PRDM15: variants seen among roughly 807,000 people sequenced by gnomAD.
The protein encoded by PRDM15 is PR/SET domain 15.
PRDM15 carries 64 observed loss-of-function variants against 128.6 expected under a neutral mutation model. The ratio of observed to expected loss-of-function variants is 0.50; its 90% confidence interval spans 0.41 to 0.61. The LOEUF is 0.61. Among genes scored for constraint, PRDM15 ranks in the 20% least tolerant of loss-of-function variants. The pLI is 0.00. For missense variants in PRDM15, 1,242 were observed against 1,569.1 expected, an observed-to-expected ratio of 0.79 and a Z score of 3.52; for synonymous variants, 615 against 621.8, an observed-to-expected ratio of 0.99 and a Z score of 0.16.
chr21:41,871,738 A>G (rs2064220547), intron 1 of PRDM15: 1 of 1,152,282 alleles, frequency 8.7e-7, no homozygotes, highest in South Asian at 1.6e-5. Flanking sequence ...CTGACAGCCA[A>G]TCAGCAGCCT....
chr21:41,878,566 C>T (rs2064506540), intron 1 of PRDM15: 2 of 472,174 alleles, frequency 4.2e-6, no homozygotes, highest in African/African-American at 2.1e-5. Context: ...CGGCCGGGCA[C>T]GCCCCGTCCC....
At chr21:41,853,595 A>G (rs1336988278) in intron 5 of PRDM15, among the ~76,000 whole-genome samples, 1 of 152,234 alleles carries the variant, frequency 6.6e-6, no homozygotes, top group Non-Finnish European at 1.5e-5. Context: ...AAAAAGACCC[A>G]TAACATGGAT....
chr21:41,835,335 T>G (rs2146564160), intron 11 of PRDM15, 102 bp downstream of exon 11: 1 of 972,724 alleles, frequency 1.0e-6, no homozygotes, highest in East Asian at 2.4e-5. Flanking sequence ...TGTCTATTCA[T>G]GAAAACAATC....
intron 22 of PRDM15, chr21:41,803,186 C>A: frequency 2.0e-6 from 1 of 504,322 alleles, no homozygotes. Context: ...GTAAACACTT[C>A]TTAGAAACTT....
Position 41,811,109 on chromosome 21 carries a change from T to G in PRDM15, c.2393-273A>C. On this transcript the variant is annotated intron_variant, in intron 19 of 23. Transcript: ENST00000398548. This position sits in a 1 kb window ranked among gnomAD's most constrained non-coding sequence, Gnocchi z 4.1. Reference sequence around the variant, plus strand: ...ACACAGACAGAAAGTGGAACCCACATGTGGACAAGCAGAAAAACGATAGGA... The same window carrying G: ...ACACAGACAGAAAGTGGAACCCACAGGTGGACAAGCAGAAAAACGATAGGA... 2.3e-6 allele frequency: 1 copy of G among 443,492 alleles called. No homozygotes were observed. Among genetic ancestry groups the G allele is most frequent in the Non-Finnish European group, 4.1e-6 (1 of 242,044 alleles). The allele number at this position is 443,492 out of a possible 1,614,324, so 27.5% of individuals were successfully genotyped here.
At chr21:41,867,182 TCACA>T in intron 1 of PRDM15, 1 of 707,310 alleles carries the variant, frequency 1.4e-6, no homozygotes, top group Admixed American at 2.4e-5. Flanking sequence ...GATTTTCTAT[TCACA>T]CACAGAGTGA....
At chr21:41,808,393 G>A (rs1378158181) in intron 21 of PRDM15, among the ~76,000 whole-genome samples, 1 of 152,200 alleles carries the variant, frequency 6.6e-6, no homozygotes, top group African/African-American at 2.4e-5. Context: ...TTCCCGGACT[G>A]GAGAGCAGGT....
At position 41,839,613 on chromosome 21, in the gene PRDM15, C is replaced by T. The variant is rs200501314; in HGVS notation, c.871+10G>A. ...CACGCAGGCACTCATCCCCGGGACCCGCTCATCACCTGTGGGTTCCTTGTC... is the reference window on the plus strand; with the variant it reads ...CACGCAGGCACTCATCCCCGGGACCTGCTCATCACCTGTGGGTTCCTTGTC... On this transcript the variant is annotated intron_variant, in intron 7 of 23. Coordinates refer to ENST00000398548, the MANE Select transcript of PRDM15 (RefSeq NM_001040424.3). The T allele has an allele frequency of 4.6e-5, 75 of 1,613,186 alleles. No individual in the cohort carries two copies. In the Admixed American group the frequency reaches 1.0e-3, roughly 22 times the overall value.
At chr21:41,869,439 ATTTTTTT>A (rs575371462) in intron 1 of PRDM15, among the ~76,000 whole-genome samples, 1 of 125,470 alleles carries the variant, frequency 8.0e-6, no homozygotes, top group Non-Finnish European at 1.7e-5. Context: ...ATCACCGGCT[ATTTTTTT>A]TTTTTTTTTT....
intron 12 of PRDM15, among the ~76,000 whole-genome samples, chr21:41,827,264 G>A (rs1361594001): frequency 6.6e-6 from 1 of 152,208 alleles, no homozygotes; most frequent in Non-Finnish European, 1.5e-5. Flanking sequence ...AGTGCTAAAA[G>A]GTACACAGGA....
At chr21:41,838,245 T>TACAA (rs2062961373) in intron 7 of PRDM15, among the ~76,000 whole-genome samples, 182 bp from the exon 8 acceptor site, 1 of 152,166 alleles carries the variant, frequency 6.6e-6, no homozygotes, top group South Asian at 2.1e-4. Flanking sequence ...CATTTACTAG[T>TACAA]ACAAACAGAA....
intron 5 of PRDM15, among the ~76,000 whole-genome samples, chr21:41,848,800 T>C (rs972590460): frequency 6.6e-6 from 1 of 152,228 alleles, no homozygotes; most frequent in East Asian, 1.9e-4. Context: ...AAACTTGTCA[T>C]GACGACTGCC....
chr21:41,862,123 G>C lies in PRDM15; in HGVS notation c.-9-1751C>G. The stretch of plus-strand genomic sequence containing the variant: ...GAAGAAACCCAGAGTGGGGTGGGGA[G>C]GGCGCACGCTTTCATGAGTTGCTGC... On this transcript the variant is annotated intron_variant, in intron 1 of 23. Coordinates refer to ENST00000398548, the MANE Select transcript of PRDM15 (RefSeq NM_001040424.3). The surrounding 1 kb of genome is among the most constrained non-coding windows in gnomAD (Gnocchi z 4.1). The C allele has an allele frequency of 1.3e-6, 1 of 745,228 alleles. No homozygotes were observed. Among genetic ancestry groups the C allele is most frequent in the South Asian group, 1.5e-5 (1 of 64,604 alleles). The allele number at this position is 745,228 out of a possible 1,614,324, so 46.2% of individuals were successfully genotyped here.
intron 10 of PRDM15, 143 bp downstream of exon 10, chr21:41,835,970 C>G (rs75189698): frequency 3.7e-5 from 12 of 320,420 alleles, no homozygotes; most frequent in Admixed American, 6.7e-5. Flanking sequence ...ACAGCCCCCG[C>G]CCACTCTCCT....
At chr21:41,818,487 C>T (rs1272337109) in intron 18 of PRDM15, among the ~76,000 whole-genome samples, 3 of 152,048 alleles carry the variant, frequency 2.0e-5, no homozygotes, top group African/African-American at 4.8e-5. Flanking sequence ...GCCGTCCTTG[C>T]GCAAAGTTAC....
At chr21:41,829,274 CAT>C (rs1425844276) in intron 11 of PRDM15, among the ~76,000 whole-genome samples, 3,164 of 148,668 alleles carry the variant, frequency 0.021, 93 homozygotes, top group African/African-American at 0.065. Context: ...CACACACACA[CAT>C]GCCCCACACA....
rs141819734 is a variant in PRDM15, at chr21:41,850,512, G to A, written c.539-3321C>T. On this transcript the variant is annotated intron_variant, in intron 5 of 23. Coordinates refer to ENST00000398548, the MANE Select transcript of PRDM15 (RefSeq NM_001040424.3). ...ACTTCGGAAGGTGGGAGGATTGCCCGAATCCATGAGTTCAAGACCAGCCTA... is the reference window on the plus strand; with the variant it reads ...ACTTCGGAAGGTGGGAGGATTGCCCAAATCCATGAGTTCAAGACCAGCCTA... 6.3e-3 allele frequency among the ~76,000 whole-genome samples: 958 copies of A among 152,160 alleles called. 7 individuals carry two copies. The highest frequency in any genetic ancestry group is 0.019 in the African/African-American group (790 of 41,518).
At chr21:41,843,960 A>T (rs947359185) in intron 6 of PRDM15, among the ~76,000 whole-genome samples, 2 of 151,778 alleles carry the variant, frequency 1.3e-5, no homozygotes, top group African/African-American at 4.8e-5. Flanking sequence ...TAAAAAAAAA[A>T]AAAAAAAAAA....
At chr21:41,801,784 TC>T in intron 23 of PRDM15, 62 bp from the exon 24 acceptor site, 2 of 1,549,826 alleles carry the variant, frequency 1.3e-6, no homozygotes. Context: ...CGCAAGGACC[TC>T]CCCAGGATGC....
Sources: allele counts gnomAD v4.1 joint callset (sites outside exome capture counted in the v4.1 genomes callset), GRCh38; gene constraint gnomAD v4.1.1; non-coding constraint Gnocchi (gnomAD v3.1); transcripts MANE v1.5; gene names NCBI Gene and HGNC (gene_info 2026-07-23, HGNC 2026-07-21).